Variants in STX3 observed in about 807,000 individuals in gnomAD.
STX3 encodes the protein syntaxin 3.
STX3 carries 19 observed loss-of-function variants against 40.2 expected under a neutral mutation model. That is an observed-to-expected ratio of 0.47 (90% confidence interval 0.33 to 0.69). STX3 has a LOEUF of 0.69. Among genes scored for constraint, STX3 ranks in the 30% least tolerant of loss-of-function variants. STX3 has a pLI of 0.02. For missense variants in STX3, 364 were observed against 366.7 expected, an observed-to-expected ratio of 0.99 and a Z score of 0.06; for synonymous variants, 122 against 132.2, an observed-to-expected ratio of 0.92 and a Z score of 0.53.
At chr11:59,794,395 G>C (rs905771054) in intron 8 of STX3, among the ~76,000 whole-genome samples, 1 of 152,210 alleles carries the variant, frequency 6.6e-6, no homozygotes, top group East Asian at 1.9e-4. Flanking sequence ...ACTTGGGATA[G>C]GAGAGAAAAT....
chr11:59,787,065 A>G lies in STX3; in HGVS notation c.143A>G (p.Lys48Arg). ...GAGGAAACTCGGCTTAACATTGACAAGATCTCAGAACATGTAGAGGAGGCT... is the reference window on the plus strand; with the variant it reads ...GAGGAAACTCGGCTTAACATTGACAGGATCTCAGAACATGTAGAGGAGGCT... ...EIEETRLNID[K>R]ISEHVEEAKK... The change falls in exon 3 of 11, where the codon AAG becomes AGG. Residue 48 changes from lysine (K) to arginine (R), a missense_variant. Physicochemically the swap from Lys to Arg is conservative, Grantham distance 26. Transcript: ENST00000337979. 2 of 1,614,156 alleles carry G rather than the reference A, an allele frequency of 1.2e-6. No homozygotes were observed. Among genetic ancestry groups the G allele is most frequent in the South Asian group, 1.1e-5 (1 of 91,068 alleles).
chr11:59,757,513 C>T (rs1452103112), intron 1 of STX3, among the ~76,000 whole-genome samples: 1 of 152,128 alleles, frequency 6.6e-6, no homozygotes, highest in South Asian at 2.1e-4. Context: ...GTCTCTTTGC[C>T]TCTCCTCGGT....
At chr11:59,794,098 T>C (rs1865376195) in intron 8 of STX3, among the ~76,000 whole-genome samples, 1 of 152,086 alleles carries the variant, frequency 6.6e-6, no homozygotes, top group Admixed American at 6.5e-5. Flanking sequence ...TTTTTTCTGT[T>C]TGTATTTTTT....
At chr11:59,762,396 G>A (rs887387462) in intron 1 of STX3, among the ~76,000 whole-genome samples, 2 of 152,236 alleles carry the variant, frequency 1.3e-5, no homozygotes, top group Non-Finnish European at 1.5e-5. Context: ...TTTCTCAGCT[G>A]TAAGATGGGG....
Position 59,788,150 on chromosome 11 carries a change from TC to T in STX3, c.215-721del, listed in dbSNP as rs533393112. On this transcript the variant is annotated intron_variant, in intron 3 of 10. Transcript: ENST00000337979. The stretch of plus-strand genomic sequence containing the variant: ...CTTTCTCTACCTGGCCAACTCACAG[TC>T]CTTGAGACTCAGTCCTGCTCATCTC... 5.4e-4 allele frequency among the ~76,000 whole-genome samples: 82 copies of T among 152,312 alleles called. 1 individual carries two copies. The highest frequency in any genetic ancestry group is 1.5e-3 in the African/African-American group (63 of 41,578).
chr11:59,798,837 G>T (rs1410023580), intron 10 of STX3, among the ~76,000 whole-genome samples: 23 of 152,042 alleles, frequency 1.5e-4, no homozygotes, highest in Non-Finnish European at 2.8e-4. Context: ...ATAGTAGTGA[G>T]CATATCAATC....
rs1411888997 is a variant in STX3, at chr11:59,793,378, A to G, written c.541-2A>G. 2 of 1,613,542 alleles carry G rather than the reference A, an allele frequency of 1.2e-6. No homozygotes were observed. The highest frequency in any genetic ancestry group is 1.1e-5 in the South Asian group (1 of 91,002). On this transcript the variant is annotated splice_acceptor_variant, in intron 7 of 10. Transcript: ENST00000337979. LOFTEE classifies it high-confidence loss of function. Reference sequence around the variant, plus strand: ...TAACAGTCTGTGTGTGGCCTGTTGTAGATCATTGACTCACAGATTTCCAAG... The same window carrying G: ...TAACAGTCTGTGTGTGGCCTGTTGTGGATCATTGACTCACAGATTTCCAAG...
intron 3 of STX3, among the ~76,000 whole-genome samples, chr11:59,787,613 A>G (rs1012431766): frequency 9.2e-5 from 14 of 152,138 alleles, no homozygotes; most frequent in Non-Finnish European, 1.6e-4. Flanking sequence ...CCACCTAGGC[A>G]AACGTTTTTT....
At chr11:59,759,780 T>G (rs1329192433) in intron 1 of STX3, among the ~76,000 whole-genome samples, 1 of 152,208 alleles carries the variant, frequency 6.6e-6, no homozygotes, top group Non-Finnish European at 1.5e-5. Context: ...CACTGGAAGC[T>G]CCAGGATCTT....
intron 2 of STX3, among the ~76,000 whole-genome samples, chr11:59,786,040 A>T: frequency 6.6e-6 from 1 of 152,080 alleles, no homozygotes; most frequent in African/African-American, 2.4e-5. Context: ...ATATTTTATG[A>T]TACTCACAGC....
At chr11:59,784,767 C>T (rs558021578) in intron 2 of STX3, among the ~76,000 whole-genome samples, 2 of 152,304 alleles carry the variant, frequency 1.3e-5, no homozygotes, top group South Asian at 4.1e-4. Flanking sequence ...TTGTCTCCCA[C>T]TGGGTCCCTC....
intron 5 of STX3, among the ~76,000 whole-genome samples, chr11:59,791,790 CA>C (rs1045769561): frequency 6.6e-6 from 1 of 152,074 alleles, no homozygotes; most frequent in African/African-American, 2.4e-5. Flanking sequence ...GAATGCAAGC[CA>C]AGTGTTGTGC....
chr11:59,802,069 TTG>T lies in STX3; in HGVS notation c.*1247_*1248del, dbSNP rs1865907276. 27 of 985,360 alleles carry T rather than the reference TTG, an allele frequency of 2.7e-5. No homozygotes were observed. Among genetic ancestry groups the T allele is most frequent in the Non-Finnish European group, 3.3e-5 (27 of 829,956 alleles). 61.0% of individuals were successfully genotyped at this position (985,360 alleles called of 1,614,324 possible). A position where few individuals can be genotyped will look rare whatever the true frequency, so the allele number is the denominator to read the frequency against. ...TTCCCACCTGGTGCCTATGCTAGGC[TTG>T]TCCTGAGAACATCCCTCAGTAACTT... On this transcript the variant is annotated 3_prime_UTR_variant, in exon 11 of 11. Transcript: ENST00000337979.
At chr11:59,766,312 G>A (rs1206761959) in intron 1 of STX3, among the ~76,000 whole-genome samples, 1 of 149,768 alleles carries the variant, frequency 6.7e-6, no homozygotes, top group Non-Finnish European at 1.5e-5. Context: ...AACTTGGAAA[G>A]GAGGGACAAA....
Position 59,804,498 on chromosome 11 carries a change from A to G in STX3, c.*3674A>G, listed in dbSNP as rs944089221. ...GACTCCTAAACTCTTTAAGGTACCA[A>G]TGAGAACGTGGTTTGTTACTGTCAG... On this transcript the variant is annotated 3_prime_UTR_variant, in exon 11 of 11. Transcript: ENST00000337979. 6.6e-5 allele frequency: 10 copies of G among 152,232 alleles called. No individual in the cohort carries two copies. The highest frequency in any genetic ancestry group is 2.2e-4 in the African/African-American group (9 of 41,464). 9.4% of individuals were successfully genotyped at this position (152,232 alleles called of 1,614,324 possible).
chr11:59,789,901 C>G (rs896225941), intron 4 of STX3, among the ~76,000 whole-genome samples: 5 of 152,196 alleles, frequency 3.3e-5, no homozygotes, highest in African/African-American at 1.2e-4. Flanking sequence ...GTCATAGATT[C>G]AGTTCTTCCA....
chr11:59,800,649 C>T (rs1260242030), intron 10 of STX3: 1 of 985,372 alleles, frequency 1.0e-6, no homozygotes, highest in Non-Finnish European at 1.2e-6. Context: ...GGCCTAGAGG[C>T]TTTTCTATTT....
intron 5 of STX3, among the ~76,000 whole-genome samples, chr11:59,791,085 C>T (rs1283823954): frequency 6.6e-6 from 1 of 152,128 alleles, no homozygotes; most frequent in Non-Finnish European, 1.5e-5. Flanking sequence ...CAAAAGATCT[C>T]AGGAAGAATG....
At chr11:59,771,109 A>G (rs1036784266) in intron 1 of STX3, among the ~76,000 whole-genome samples, 1 of 152,124 alleles carries the variant, frequency 6.6e-6, no homozygotes, top group Non-Finnish European at 1.5e-5. Context: ...AGGTGTTTCG[A>G]GCAGACACAG....
Sources: gnomAD v4.1 joint callset for allele counts (sites outside exome capture counted in the v4.1 genomes callset) on GRCh38, gnomAD v4.1.1 for gene constraint, MANE v1.5 for transcripts, NCBI Gene and HGNC (gene_info 2026-07-23, HGNC 2026-07-21) for gene names.